LRP1: variants seen among roughly 807,000 people sequenced by gnomAD.
The protein encoded by LRP1 is prolow-density lipoprotein receptor-related protein 1.
LRP1 carries 51 observed loss-of-function variants against 541.5 expected under a neutral mutation model. The ratio of observed to expected loss-of-function variants is 0.09; its 90% CI spans 0.08 to 0.12. The LOEUF is 0.12. LRP1 is among the 10% of genes least tolerant of loss of function. The probability of loss-of-function intolerance (pLI) is 1.00; values close to 1 mark genes in which losing one functional copy is unlikely to be tolerated. For synonymous variants in LRP1, 2,219 were observed against 2,470.8 expected (o/e 0.90, Z 3.02); for missense variants, 3,878 against 6,376.2 (o/e 0.61, Z 13.34).
Position 57,212,238 on chromosome 12 carries a change from G to C in LRP1, c.13471G>C (p.Asp4491His), listed in dbSNP as rs142605462. 1,389 of 1,613,762 alleles carry C rather than the reference G, an allele frequency of 8.6e-4. 3 individuals are homozygous for C. The highest frequency in any genetic ancestry group is 1.1e-3 in the Non-Finnish European group (1,261 of 1,179,944). Residue 4491 changes from aspartate to histidine, a missense_variant, in exon 88 of 89, where the codon GAC becomes CAC. Asp to His is a moderately conservative substitution (Grantham distance 81). This residue lies in a region of LRP1 where 871 missense variants were observed against 1,212.4 expected (regional missense o/e 0.72). Coordinates refer to ENST00000243077, the MANE Select transcript of LRP1 (RefSeq NM_002332.3). This position sits in a 1 kb window ranked among gnomAD's most constrained non-coding sequence, Gnocchi z 5.0. ...PDDVGGLLDADFALDPDKPTN... is the reference protein window; with the variant it reads ...PDDVGGLLDAHFALDPDKPTN... ...TGATGTGGGAGGCCTACTGGACGCT[G>C]ACTTTGCCCTGGACCCTGACAAGGT... is the stretch of plus-strand genomic sequence containing the variant.
In LRP1 at chr12:57,129,936, C is replaced by T. The variant is rs188538307; in HGVS notation, c.67+905C>T. ...CTCCTTTAGTAAATCTGTTTATTCCCTGCACCCCTCCAAGCCCAAAACCCC... is the reference window on the plus strand; with the variant it reads ...CTCCTTTAGTAAATCTGTTTATTCCTTGCACCCCTCCAAGCCCAAAACCCC... On this transcript the variant is annotated intron_variant, in intron 1 of 88. Coordinates refer to ENST00000243077, the MANE Select transcript of LRP1 (RefSeq NM_002332.3). Among the ~76,000 whole-genome samples the T allele has an allele frequency of 8.5e-5, 13 of 152,254 alleles. No homozygotes were observed. The East Asian group carries it at 2.1e-3, about 25-fold the overall frequency.
rs1035675716 is a variant in LRP1 at position 57,152,632 on chromosome 12, C to T, written c.842-1576C>T. The stretch of plus-strand genomic sequence containing the variant: ...CTCCTCAAGCTACTCTTCCCCCTCT[C>T]TCCAATCTTGTGAGGATGGGACAGT... On this transcript the variant is annotated intron_variant, in intron 6 of 88. Transcript: ENST00000243077. Among the ~76,000 whole-genome samples, 7 of 152,338 alleles carry T rather than the reference C, an allele frequency of 4.6e-5. No homozygotes were observed. The East Asian group carries it at 1.2e-3, about 25-fold the overall frequency.
rs775722036 is a variant in LRP1, at chr12:57,208,012, C to A, written c.11860-26C>A. The A allele has an allele frequency of 1.9e-6, 3 of 1,609,706 alleles. No individual in the cohort carries two copies. In the African/African-American group the frequency reaches 4.0e-5, roughly 21 times the overall value. ...TAATGGCAGGAAGACAAAGCAGTGG[C>A]CCCTGAACCTGTGGCTTCCATTCAG... is the stretch of plus-strand genomic sequence containing the variant. On this transcript the variant is annotated intron_variant, in intron 76 of 88. Coordinates refer to ENST00000243077, the MANE Select transcript of LRP1 (RefSeq NM_002332.3).
intron 1 of LRP1, among the ~76,000 whole-genome samples, chr12:57,137,388 G>C (rs1427706752): frequency 6.6e-6 from 1 of 152,162 alleles, no homozygotes; most frequent in Non-Finnish European, 1.5e-5. Context: ...TAGCTAACTA[G>C]TTGGACTGGA....
At position 57,161,085 on chromosome 12, in the gene LRP1, G is replaced by T; in HGVS notation, c.2172G>T (p.Glu724Asp). ...TGGATGCCTTCTACGACCGCATCGA[G>T]ACGATACTGCTCAATGGCACAGACC... ...YWVDAFYDRI[E>D]TILLNGTDRK... The change falls in exon 13 of 89, where the codon GAG becomes GAT. Residue 724 changes from glutamate to aspartate, a missense_variant. Coordinates refer to ENST00000243077, the MANE Select transcript of LRP1 (RefSeq NM_002332.3). 1.2e-6 allele frequency: 2 copies of T among 1,613,640 alleles called. No homozygotes were observed. The highest frequency in any genetic ancestry group is 1.1e-5 in the South Asian group (1 of 91,076).
chr12:57,184,179 C>T lies in LRP1; in HGVS notation c.6024C>T (p.Asp2008=). The change falls in exon 37 of 89, where the codon GAC becomes GAT. Residue 2008 remains aspartate, a synonymous_variant. Transcript: ENST00000243077. This position sits in a 1 kb window ranked among gnomAD's most constrained non-coding sequence, Gnocchi z 7.8. ...ACGTGGTGATCTCCCAGGGTCTAGA[C>T]AAGCCCCGGGCCATCACCGTCCACC... ...FRYVVISQGL[D]KPRAITVHPE... is the part of the protein sequence containing the mutation. 1 of 1,614,122 alleles carries T rather than the reference C, an allele frequency of 6.2e-7. No homozygotes were observed. Among genetic ancestry groups the T allele is most frequent in the Non-Finnish European group, 8.5e-7 (1 of 1,179,992 alleles).
In LRP1 at chr12:57,211,324, C is replaced by G. The variant is rs371217600; in HGVS notation, c.13065C>G (p.Asn4355Lys). ...GTCTCGAAGGGGCCTGTGTGGTCAA[C>G]AAGCAGAGTGGGGATGTCACCTGCA... ...SRCLEGACVVNKQSGDVTCNC... is the reference protein window; with the variant it reads ...SRCLEGACVVKKQSGDVTCNC... Residue 4355 changes from asparagine to lysine, a missense_variant, in exon 84 of 89, where the codon AAC becomes AAG. Physicochemically the swap from Asn to Lys is moderately conservative, Grantham distance 94. This residue lies in a region of LRP1 where 871 missense variants were observed against 1,212.4 expected (regional missense o/e 0.72). Transcript: ENST00000243077. This position sits in a 1 kb window ranked among gnomAD's most constrained non-coding sequence, Gnocchi z 4.3. The G allele has an allele frequency of 1.4e-5, 22 of 1,614,120 alleles. No individual in the cohort carries two copies. Among genetic ancestry groups the G allele is most frequent in the Non-Finnish European group, 1.8e-5 (21 of 1,180,020 alleles).
intron 13 of LRP1, among the ~76,000 whole-genome samples, chr12:57,161,692 C>T (rs1273798303): frequency 6.6e-6 from 1 of 152,094 alleles, no homozygotes; most frequent in Non-Finnish European, 1.5e-5. Flanking sequence ...AGAGCATCTG[C>T]CCTCTGTGCC....
Position 57,173,074 on chromosome 12 carries a change from C to T in LRP1, c.3164-94C>T. The T allele has an allele frequency of 1.9e-6, 2 of 1,061,510 alleles. No individual in the cohort carries two copies. Among genetic ancestry groups the T allele is most frequent in the African/African-American group, 1.6e-5 (1 of 63,350 alleles). The allele number at this position is 1,061,510 out of a possible 1,614,324, so 65.8% of individuals were successfully genotyped here. A position where few individuals can be genotyped will look rare whatever the true frequency, so the allele number is the denominator to read the frequency against. On this transcript the variant is annotated intron_variant, in intron 20 of 88. Coordinates refer to ENST00000243077, the MANE Select transcript of LRP1 (RefSeq NM_002332.3). This position sits in a 1 kb window ranked among gnomAD's most constrained non-coding sequence, Gnocchi z 4.7. The stretch of plus-strand genomic sequence containing the variant: ...CCAGGCCTGCCTCTGCTCATATCCC[C>T]AGGCTGGGCTTACCGGGGTGGCAGG...
At chr12:57,141,542 T>A (rs774667676) in intron 3 of LRP1, 31 bp downstream of exon 3, 8 of 1,613,798 alleles carry the variant, frequency 5.0e-6, no homozygotes, top group Non-Finnish European at 6.8e-6. Context: ...TACTCTCCCG[T>A]CTGGATGCAG....
chr12:57,135,636 G>A (rs1380529491), intron 1 of LRP1, among the ~76,000 whole-genome samples: 1 of 152,208 alleles, frequency 6.6e-6, no homozygotes, highest in Non-Finnish European at 1.5e-5. Context: ...GTGCTGGCCA[G>A]GCCCTCGGGA....
intron 44 of LRP1, 120 bp from the exon 45 acceptor site, chr12:57,192,725 C>T: frequency 4.3e-6 from 6 of 1,394,402 alleles, no homozygotes; most frequent in Non-Finnish European, 6.0e-6. Context: ...GCCGCTGTGC[C>T]TGCCGTGACT....
chr12:57,180,315 C>G lies in LRP1; in HGVS notation c.5237-15C>G. ...CCTGGGCCAGACTCCCCGGCAGTGA[C>G]TCCCCCTTTTCCAGGCCTGGCTATT... On this transcript the variant is annotated splice_polypyrimidine_tract_variant and intron_variant, in intron 31 of 88. Transcript: ENST00000243077. 1 of 1,613,458 alleles carries G rather than the reference C, an allele frequency of 6.2e-7. No individual in the cohort carries two copies. The highest frequency in any genetic ancestry group is 1.1e-5 in the South Asian group (1 of 91,056).
intron 3 of LRP1, among the ~76,000 whole-genome samples, chr12:57,142,187 C>T (rs1013842530): frequency 2.0e-5 from 3 of 152,224 alleles, no homozygotes; most frequent in African/African-American, 7.2e-5. Context: ...CCGGTCACAG[C>T]GTGAGCATTT....
rs1202353112 is a variant in LRP1, at chr12:57,210,476, C to T, written c.12750C>T (p.Pro4250=). The change falls in exon 82 of 89, where the codon CCC becomes CCT. Residue 4250 remains proline (P), a synonymous_variant. Coordinates refer to ENST00000243077, the MANE Select transcript of LRP1 (RefSeq NM_002332.3). The stretch of plus-strand genomic sequence containing the variant: ...ATGGGGGCACCTGTGCTGCCTCCCC[C>T]TCTGGTATGCCCCCTCATCCCGCCA... ...CRNGGTCAAS[P]SGMPTCRCPT... The T allele has an allele frequency of 3.3e-6, 5 of 1,525,474 alleles. No homozygotes were observed. Among genetic ancestry groups the T allele is most frequent in the Non-Finnish European group, 3.5e-6 (4 of 1,134,234 alleles). The allele number at this position is 1,525,474 out of a possible 1,614,324, so 94.5% of individuals were successfully genotyped here. A position where few individuals can be genotyped will look rare whatever the true frequency, so the allele number is the denominator to read the frequency against.
chr12:57,210,616 C>G (rs2036889916), intron 82 of LRP1, 102 bp from the exon 83 acceptor site: 5 of 1,474,084 alleles, frequency 3.4e-6, no homozygotes, highest in South Asian at 2.6e-5. Flanking sequence ...TCCAGTCACT[C>G]CAGTCTCTGC....
At chr12:57,187,599 G>A (rs1199426339) in intron 42 of LRP1, 143 bp downstream of exon 42, 3 of 830,966 alleles carry the variant, frequency 3.6e-6, no homozygotes, top group Non-Finnish European at 5.5e-6. Context: ...GATCTGGGGA[G>A]AGGTGCAAAA....
At chr12:57,203,017 A>T in intron 68 of LRP1, 164 bp from the exon 69 acceptor site, 1 of 601,312 alleles carries the variant, frequency 1.7e-6, no homozygotes, top group Non-Finnish European at 2.9e-6. Context: ...GCTGTTCCAT[A>T]GGAGCAGCCA....
intron 41 of LRP1, among the ~76,000 whole-genome samples, chr12:57,186,259 C>T (rs1463558771): frequency 6.6e-6 from 1 of 152,230 alleles, no homozygotes; most frequent in Non-Finnish European, 1.5e-5. Flanking sequence ...AAGCCTGAGC[C>T]TTCTCATCTG....
Sources: allele counts gnomAD v4.1 joint callset (sites outside exome capture counted in the v4.1 genomes callset), GRCh38; gene constraint gnomAD v4.1.1; regional missense constraint gnomAD v4.1.1; non-coding constraint Gnocchi (gnomAD v3.1); transcripts MANE v1.5; gene names NCBI Gene and HGNC (gene_info 2026-07-23, HGNC 2026-07-21).